CTNND2: variants seen among roughly 807,000 people sequenced by gnomAD.
The protein encoded by CTNND2 is catenin delta-2.
CTNND2 carries 22 observed loss-of-function variants against 144.4 expected under a neutral mutation model. The observed-to-expected ratio is 0.15, with a 90% CI of 0.11 to 0.22. The LOEUF is 0.22. CTNND2 is among the 10% of genes least tolerant of loss of function. The probability of loss-of-function intolerance (pLI) is 1.00; values close to 1 mark genes in which losing one functional copy is unlikely to be tolerated. For synonymous variants in CTNND2, 751 were observed against 695.6 expected (o/e 1.08, Z -1.25); for missense variants, 1,353 against 1,618.8 (o/e 0.84, Z 2.82).
At chr5:11,755,695 A>G (rs1200317829) in intron 1 of CTNND2, among the ~76,000 whole-genome samples, 2 of 140,894 alleles carry the variant, frequency 1.4e-5, no homozygotes, top group African/African-American at 5.3e-5. Context: ...TTGAGCTCTG[A>G]GATTCTTTCC....
At chr5:11,142,239 A>G (rs1298974697) in intron 12 of CTNND2, among the ~76,000 whole-genome samples, 1 of 152,256 alleles carries the variant, frequency 6.6e-6, no homozygotes, top group Non-Finnish European at 1.5e-5. Flanking sequence ...GGACTAAATG[A>G]TGCCAATACT....
chr5:11,838,509 G>A (rs1457128716), intron 1 of CTNND2, among the ~76,000 whole-genome samples: 1 of 152,106 alleles, frequency 6.6e-6, no homozygotes, highest in Non-Finnish European at 1.5e-5. Context: ...TAAGGACAGG[G>A]ATAGACATGG....
At chr5:11,688,311 T>C (rs1363348045) in intron 2 of CTNND2, among the ~76,000 whole-genome samples, 1 of 152,148 alleles carries the variant, frequency 6.6e-6, no homozygotes, top group Non-Finnish European at 1.5e-5. Context: ...GGTGTTCATC[T>C]TGGTGTCCCC....
At chr5:11,619,814 T>C (rs1057064236) in intron 2 of CTNND2, among the ~76,000 whole-genome samples, 3 of 152,190 alleles carry the variant, frequency 2.0e-5, no homozygotes, top group African/African-American at 7.2e-5. Context: ...CCCTTCTCCA[T>C]TAACTACTGG....
chr5:10,980,960 T>G (rs1737167405), intron 21 of CTNND2, among the ~76,000 whole-genome samples: 1 of 152,036 alleles, frequency 6.6e-6, no homozygotes, highest in Non-Finnish European at 1.5e-5. Flanking sequence ...GGTTGATGGG[T>G]GCAGAAAACC....
chr5:11,667,280 C>T (rs1783620713), intron 2 of CTNND2, among the ~76,000 whole-genome samples: 1 of 151,942 alleles, frequency 6.6e-6, no homozygotes, highest in Admixed American at 6.6e-5. Flanking sequence ...GGGTATATAC[C>T]CACTAATGGG....
chr5:11,252,147 A>G (rs999893281), intron 9 of CTNND2, among the ~76,000 whole-genome samples: 1 of 152,206 alleles, frequency 6.6e-6, no homozygotes, highest in African/African-American at 2.4e-5. Flanking sequence ...AATGTCTTCA[A>G]ACTTGTACGT....
At chr5:11,369,167 GCTTT>G (rs1757235805) in intron 7 of CTNND2, among the ~76,000 whole-genome samples, 1 of 151,890 alleles carries the variant, frequency 6.6e-6, no homozygotes, top group East Asian at 1.9e-4. Context: ...AAAAATGTGT[GCTTT>G]CTAATGGATT....
At chr5:11,130,153 C>A (rs1464529298) in intron 12 of CTNND2, among the ~76,000 whole-genome samples, 1 of 152,070 alleles carries the variant, frequency 6.6e-6, no homozygotes, top group Non-Finnish European at 1.5e-5. Context: ...TGCTGAGCTG[C>A]AGAGACAGAA....
At chr5:11,385,450 G>A (rs1487136720) in intron 6 of CTNND2, among the ~76,000 whole-genome samples, 2 of 152,200 alleles carry the variant, frequency 1.3e-5, no homozygotes, top group Non-Finnish European at 2.9e-5. Flanking sequence ...GCTGACTACT[G>A]GAGGGAAGTC....
intron 9 of CTNND2, among the ~76,000 whole-genome samples, chr5:11,339,927 A>G (rs1754074142): frequency 6.6e-6 from 1 of 152,222 alleles, no homozygotes; most frequent in Non-Finnish European, 1.5e-5. Context: ...CTAAGAAATT[A>G]ATACACTATG....
chr5:11,840,228 C>T (rs1334432001), intron 1 of CTNND2, among the ~76,000 whole-genome samples: 1 of 152,118 alleles, frequency 6.6e-6, no homozygotes, highest in Non-Finnish European at 1.5e-5. Context: ...ATCCATGATG[C>T]CTGTCTTTCC....
chr5:10,976,298 T>G (rs1561106414), intron 21 of CTNND2, among the ~76,000 whole-genome samples: 2 of 151,794 alleles, frequency 1.3e-5, no homozygotes, highest in South Asian at 2.1e-4. Flanking sequence ...TAAGGGAATA[T>G]CTGACAGTTG....
chr5:11,768,499 C>G (rs1025253497), intron 1 of CTNND2, among the ~76,000 whole-genome samples: 18 of 152,140 alleles, frequency 1.2e-4, no homozygotes, highest in African/African-American at 4.3e-4. Flanking sequence ...TCCTGTTGGC[C>G]AGGCTGGCCT....
chr5:11,324,387 T>C (rs1752329898), intron 9 of CTNND2, among the ~76,000 whole-genome samples: 1 of 152,216 alleles, frequency 6.6e-6, no homozygotes, highest in Non-Finnish European at 1.5e-5. Context: ...TATCATTCTC[T>C]AAATGTTACC....
At chr5:11,086,452 C>T (rs1225747130) in intron 15 of CTNND2, among the ~76,000 whole-genome samples, 1 of 152,162 alleles carries the variant, frequency 6.6e-6, no homozygotes, top group Admixed American at 6.5e-5. Context: ...AGGTGAGGAA[C>T]GTAAAATGTG....
intron 10 of CTNND2, among the ~76,000 whole-genome samples, chr5:11,221,890 C>G (rs189691693): frequency 1.7e-4 from 26 of 152,222 alleles, no homozygotes; most frequent in Admixed American, 8.5e-4. Context: ...CAGACTAAAG[C>G]AAAAGAAATG....
intron 13 of CTNND2, among the ~76,000 whole-genome samples, chr5:11,115,741 G>A (rs1753476078): frequency 6.6e-6 from 1 of 152,202 alleles, no homozygotes; most frequent in Admixed American, 6.5e-5. Context: ...GAAGTTAAAA[G>A]ATGACAAGTG....
At chr5:11,221,707 G>A (rs916964361) in intron 10 of CTNND2, among the ~76,000 whole-genome samples, 6 of 152,178 alleles carry the variant, frequency 3.9e-5, no homozygotes, top group Non-Finnish European at 1.5e-5. Flanking sequence ...CCTGGAGAAC[G>A]TCTGGAAGGG....
Sources: gnomAD v4.1 joint callset for allele counts (sites outside exome capture counted in the v4.1 genomes callset) on GRCh38, gnomAD v4.1.1 for gene constraint, MANE v1.5 for transcripts, NCBI Gene and HGNC (gene_info 2026-07-23, HGNC 2026-07-21) for gene names.